Variants in MTMR3 observed in about 807,000 individuals in gnomAD.
MTMR3 encodes the protein phosphatidylinositol-3,5-bisphosphate 3-phosphatase MTMR3.
MTMR3 carries 32 observed loss-of-function variants against 132.4 expected under a neutral mutation model. The observed-to-expected ratio is 0.24, with a 90% CI of 0.18 to 0.32. The LOEUF is 0.32. Ranked by LOEUF, MTMR3 falls within the 10% of genes least tolerant of loss-of-function variation. The pLI is 1.00. For synonymous variants in MTMR3, 556 were observed against 550.3 expected (o/e 1.01, Z -0.14); for missense variants, 1,216 against 1,489.6 (o/e 0.82, Z 3.02).
At chr22:29,898,463 T>TG (rs2064944214) in intron 1 of MTMR3, among the ~76,000 whole-genome samples, 1 of 152,132 alleles carries the variant, frequency 6.6e-6, no homozygotes, top group Admixed American at 6.5e-5. Flanking sequence ...AGTGCAATGT[T>TG]GCGATCACTG....
chr22:29,916,127 C>T (rs1008127347), intron 1 of MTMR3, among the ~76,000 whole-genome samples: 1 of 152,040 alleles, frequency 6.6e-6, no homozygotes, highest in Non-Finnish European at 1.5e-5. Context: ...TTATTTAAAG[C>T]TTTGTTCATC....
Position 29,916,016 on chromosome 22 carries a change from C to T in MTMR3, c.-138+32657C>T, listed in dbSNP as rs7291748. On this transcript the variant is annotated intron_variant, in intron 1 of 19. Coordinates refer to ENST00000401950, the MANE Select transcript of MTMR3 (RefSeq NM_021090.4). ...CACTTAATGTATAAGAATCCTATGG[C>T]GTTATGTCTCCATTTTCCTATCTTC... Among the ~76,000 whole-genome samples the T allele has an allele frequency of 5.5e-3, 844 of 152,134 alleles. 8 individuals are homozygous for T. The highest frequency in any genetic ancestry group is 0.033 in the South Asian group (158 of 4,796).
chr22:29,900,064 A>G (rs1466308061), intron 1 of MTMR3, among the ~76,000 whole-genome samples: 1 of 152,224 alleles, frequency 6.6e-6, no homozygotes, highest in Admixed American at 6.6e-5. Flanking sequence ...ATGATATAAA[A>G]CAAACATACA....
At chr22:29,971,686 C>T (rs112658424) in intron 3 of MTMR3, among the ~76,000 whole-genome samples, 2 of 152,022 alleles carry the variant, frequency 1.3e-5, no homozygotes, top group Admixed American at 6.6e-5. Flanking sequence ...CTGCACACCC[C>T]CTCCTGTATC....
chr22:29,928,511 T>C (rs1483537240), intron 1 of MTMR3, among the ~76,000 whole-genome samples: 7 of 152,058 alleles, frequency 4.6e-5, no homozygotes, highest in African/African-American at 1.2e-4. Context: ...AGTGCCCTTA[T>C]GTATGTATGT....
intron 3 of MTMR3, among the ~76,000 whole-genome samples, chr22:29,975,312 G>T (rs1436016762): frequency 6.6e-6 from 1 of 152,088 alleles, no homozygotes; most frequent in Non-Finnish European, 1.5e-5. Context: ...CAATTATATA[G>T]TAGCATAAAT....
At chr22:29,926,761 A>G (rs987771317) in intron 1 of MTMR3, among the ~76,000 whole-genome samples, 3 of 152,084 alleles carry the variant, frequency 2.0e-5, no homozygotes, top group Admixed American at 6.6e-5. Context: ...GGAGTTCTTT[A>G]TGTATTCTGG....
chr22:29,913,832 ACCTCCG>A (rs2065259797), intron 1 of MTMR3, among the ~76,000 whole-genome samples: 2 of 151,676 alleles, frequency 1.3e-5, no homozygotes, highest in Admixed American at 1.3e-4. Context: ...GCTAACTGCA[ACCTCCG>A]CCTCCTGGGT....
At chr22:30,012,347 A>G in intron 12 of MTMR3, 21 bp from the exon 13 acceptor site, 1 of 1,602,484 alleles carries the variant, frequency 6.2e-7, no homozygotes, top group Non-Finnish European at 8.5e-7. Context: ...AGCATTTTCT[A>G]ATCCTCTCCT....
At chr22:29,907,153 C>T (rs2065119454) in intron 1 of MTMR3, among the ~76,000 whole-genome samples, 1 of 151,944 alleles carries the variant, frequency 6.6e-6, no homozygotes, top group African/African-American at 2.4e-5. Context: ...GTAATCCCAG[C>T]ACTTTGGGAG....
At chr22:29,938,430 A>C (rs1217876880) in intron 1 of MTMR3, among the ~76,000 whole-genome samples, 3 of 152,222 alleles carry the variant, frequency 2.0e-5, no homozygotes, top group Non-Finnish European at 4.4e-5. Flanking sequence ...GAGCCTGGAC[A>C]CCAGCTGAGG....
In MTMR3 at chr22:30,012,558, A is replaced by G. The variant is rs772807650; in HGVS notation, c.1312A>G (p.Ile438Val). The change falls in exon 13 of 20, where the codon ATA (isoleucine) becomes GTA (valine). Residue 438 changes from isoleucine (I) to valine (V), a missense_variant. By Grantham distance (29) the Ile-to-Val change is conservative. Around this residue, in one of 7 missense-constraint regions of MTMR3, gnomAD observed 106 missense variants for 209.5 expected, o/e 0.51. Coordinates refer to ENST00000401950, the MANE Select transcript of MTMR3 (RefSeq NM_021090.4). ...KLLLDPYYRT[I>V]EGFQVLVEME... ...CTTGCTGGACCCTTATTACCGAACC[A>G]TAGAGGTGAGCCCATCCAAATGGGA... is the stretch of plus-strand genomic sequence containing the variant. 66 of 1,608,628 alleles carry G rather than the reference A, an allele frequency of 4.1e-5. 1 individual carries two copies. In the South Asian group the frequency reaches 7.0e-4, roughly 17 times the overall value.
chr22:29,989,664 T>G (rs1225844925), intron 6 of MTMR3: 2 of 152,218 alleles, frequency 1.3e-5, no homozygotes, highest in Non-Finnish European at 2.9e-5. Context: ...TTCTATTTTC[T>G]CAACTGGAAT....
Position 29,979,204 on chromosome 22 carries a change from C to T in MTMR3, c.210+152C>T. ...CACTTAATTTAGCACTCAAGGAACA[C>T]TGGCTTGGCCAGGCGCGGTGGCTCA... On this transcript the variant is annotated intron_variant, in intron 5 of 19. Coordinates refer to ENST00000401950, the MANE Select transcript of MTMR3 (RefSeq NM_021090.4). The T allele has an allele frequency of 6.8e-6, 4 of 585,356 alleles. No homozygotes were observed. In the South Asian group the frequency reaches 7.8e-5, roughly 11 times the overall value. 36.3% of individuals were successfully genotyped at this position (585,356 alleles called of 1,614,324 possible).
chr22:29,960,238 G>A (rs912081074), intron 2 of MTMR3, among the ~76,000 whole-genome samples: 21 of 152,118 alleles, frequency 1.4e-4, no homozygotes, highest in Admixed American at 2.6e-4. Context: ...CTTTACCAAA[G>A]GGGGGAATAT....
chr22:29,978,412 A>G, intron 3 of MTMR3, 30 bp from the exon 4 acceptor site: 2 of 1,563,254 alleles, frequency 1.3e-6, no homozygotes, highest in South Asian at 1.1e-5. Flanking sequence ...AGAAGCTTTG[A>G]AATTATTTTA....
At chr22:29,927,958 T>TTTTTG (rs10685422) in intron 1 of MTMR3, among the ~76,000 whole-genome samples, 1 of 148,100 alleles carries the variant, frequency 6.8e-6, no homozygotes, top group African/African-American at 2.5e-5. Context: ...TTTTTTTTTT[T>TTTTTG]GAGACGACGT....
At chr22:30,009,373 A>G in intron 12 of MTMR3, 1 of 449,502 alleles carries the variant, frequency 2.2e-6, no homozygotes, top group African/African-American at 2.0e-5. Flanking sequence ...TAAAATCTGC[A>G]GCACAGAAGA....
rs1482833488 is a variant in MTMR3 at position 29,965,552 on chromosome 22, G to T, written c.-84-5424G>T. Among the ~76,000 whole-genome samples, 3 of 152,136 alleles carry T rather than the reference G, an allele frequency of 2.0e-5. No homozygotes were observed. In the East Asian group the frequency reaches 5.8e-4, roughly 29 times the overall value. Reference sequence around the variant, plus strand: ...ATACAAAAATTAGCCAGGCATGGTGGCATATGCCTGTAATCCCAGCTACTT... The same window carrying T: ...ATACAAAAATTAGCCAGGCATGGTGTCATATGCCTGTAATCCCAGCTACTT... On this transcript the variant is annotated intron_variant, in intron 2 of 19. Coordinates refer to ENST00000401950, the MANE Select transcript of MTMR3 (RefSeq NM_021090.4).
Sources: gnomAD v4.1 joint callset for allele counts (sites outside exome capture counted in the v4.1 genomes callset) on GRCh38, gnomAD v4.1.1 for gene constraint, gnomAD v4.1.1 regional missense constraint, MANE v1.5 for transcripts, NCBI Gene and HGNC (gene_info 2026-07-23, HGNC 2026-07-21) for gene names.